Variants in CES5A observed in about 807,000 individuals in gnomAD.
CES5A encodes the protein carboxylesterase 5.
CES5A carries 67 observed loss-of-function variants against 62.9 expected under a neutral mutation model. That is an observed-to-expected ratio of 1.07 (90% CI 0.88 to 1.31). CES5A has a LOEUF of 1.31. CES5A is among the 50% of genes most tolerant of loss of function. CES5A has a pLI of 0.00. For missense variants in CES5A, 748 were observed against 708.5 expected, an observed-to-expected ratio of 1.06 and a Z score of -0.63; for synonymous variants, 296 against 280.8, an observed-to-expected ratio of 1.05 and a Z score of -0.54.
At chr16:55,928,156 T>C (rs1233789424), upstream of CES5A, among the ~76,000 whole-genome samples, 1 of 151,606 alleles carries the variant, frequency 6.6e-6, no homozygotes, top group African/African-American at 2.4e-5. Flanking sequence ...GGCAGGAGAA[T>C]GGCATGAACC....
At position 55,908,129 on chromosome 16, in the gene CES5A, A is replaced by G. The variant is rs111704680; in HGVS notation, c.-256+17194T>C. On this transcript the variant is annotated intron_variant, in intron 1 of 12. Transcript: ENST00000518005. ...CCCTGCCCTGTCTGATTCTTTATCA[A>G]TTTGCTCCCCTCTAGCCCCCATCCA... Among the ~76,000 whole-genome samples, 398 of 152,060 alleles carry G rather than the reference A, an allele frequency of 2.6e-3. 4 individuals carry two copies. The highest frequency in any genetic ancestry group is 9.2e-3 in the African/African-American group (381 of 41,462).
intron 1 of CES5A, among the ~76,000 whole-genome samples, chr16:55,923,446 C>T: frequency 6.6e-6 from 1 of 151,732 alleles, no homozygotes; most frequent in South Asian, 2.1e-4. Flanking sequence ...TGGACACATA[C>T]AACCTATCAA....
intron 2 of CES5A, among the ~76,000 whole-genome samples, chr16:55,945,822 G>T (rs6416769): frequency 0.22 from 34,071 of 152,000 alleles, 5,043 homozygotes; most frequent in Non-Finnish European, 0.33. Context: ...AGCATCCTAG[G>T]CCCAGATGAT....
chr16:55,901,817 T>G (rs2033993178), intron 1 of CES5A, among the ~76,000 whole-genome samples: 1 of 152,306 alleles, frequency 6.6e-6, no homozygotes, highest in East Asian at 1.9e-4. Context: ...CCCACTGGTG[T>G]TGTTCCTCTT....
chr16:55,855,655 G>T (rs750592705), intron 9 of CES5A, among the ~76,000 whole-genome samples: 1 of 152,194 alleles, frequency 6.6e-6, no homozygotes, highest in Non-Finnish European at 1.5e-5. Context: ...AGAAACATCT[G>T]AATAGTGGGA....
In CES5A at chr16:55,935,525, G is replaced by A. The variant is rs142810282; in HGVS notation, c.160+14260C>T. 1.6e-3 allele frequency among the ~76,000 whole-genome samples: 244 copies of A among 152,264 alleles called. 2 individuals carry two copies. Among genetic ancestry groups the A allele is most frequent in the African/African-American group, 5.5e-3 (227 of 41,546 alleles). ...CCCCATGGCCCAGTCAAGTTGACAC[G>A]TAAAATTAATCATCACATCCATCTT... On this transcript the variant is annotated intron_variant, in intron 2 of 13. Coordinates refer to the CES5A transcript ENST00000521992.
At chr16:55,909,483 G>C (rs922787104) in intron 1 of CES5A, among the ~76,000 whole-genome samples, 3 of 152,188 alleles carry the variant, frequency 2.0e-5, no homozygotes, top group Non-Finnish European at 2.9e-5. Context: ...AGAACACAGA[G>C]AGGTGGCAGA....
At chr16:55,934,938 G>A (rs1393133917) in intron 2 of CES5A, among the ~76,000 whole-genome samples, 5 of 152,060 alleles carry the variant, frequency 3.3e-5, no homozygotes, top group African/African-American at 1.2e-4. Flanking sequence ...GGGTTTTTTT[G>A]TTTTGTTTTG....
intron 1 of CES5A, among the ~76,000 whole-genome samples, chr16:55,882,279 G>A (rs572492325): frequency 1.6e-4 from 24 of 152,292 alleles, no homozygotes; most frequent in African/African-American, 5.8e-4. Flanking sequence ...CTAATGGAAA[G>A]TTCTGGATGC....
At chr16:55,886,253 A>C (rs763083483) in intron 1 of CES5A, among the ~76,000 whole-genome samples, 1 of 152,228 alleles carries the variant, frequency 6.6e-6, no homozygotes, top group South Asian at 2.1e-4. Flanking sequence ...AGCTGAGGTA[A>C]AGACATACAT....
chr16:55,880,632 T>A (rs1317013127), intron 1 of CES5A, among the ~76,000 whole-genome samples: 2 of 152,172 alleles, frequency 1.3e-5, no homozygotes, highest in Non-Finnish European at 2.9e-5. Flanking sequence ...TCAGACAGCA[T>A]CCTGTTACTA....
At chr16:55,868,907 A>G (rs559278304) in intron 4 of CES5A, among the ~76,000 whole-genome samples, 1 of 152,340 alleles carries the variant, frequency 6.6e-6, no homozygotes, top group East Asian at 1.9e-4. Flanking sequence ...CCTTCCTTGA[A>G]GGATTATTTT....
chr16:55,914,882 C>G (rs985496415), intron 1 of CES5A, among the ~76,000 whole-genome samples: 2 of 152,038 alleles, frequency 1.3e-5, no homozygotes, highest in African/African-American at 4.8e-5. Context: ...TAGTTTTGAC[C>G]CTTGTGCTGT....
At chr16:55,919,553 C>A (rs770423032) in intron 1 of CES5A, among the ~76,000 whole-genome samples, 2 of 152,316 alleles carry the variant, frequency 1.3e-5, no homozygotes, top group Non-Finnish European at 2.9e-5. Flanking sequence ...CTGGTGACCT[C>A]CCTTTGTCTC....
chr16:55,861,622 T>G lies in CES5A; in HGVS notation c.811-106A>C, dbSNP rs1462349394. ...CAGCCACAGGCTGGCCCTCCATATATGAGTCCATCCTGCTAACACTGCCTA... is the reference window on the plus strand; with the variant it reads ...CAGCCACAGGCTGGCCCTCCATATAGGAGTCCATCCTGCTAACACTGCCTA... On this transcript the variant is annotated intron_variant, in intron 6 of 12. Coordinates refer to ENST00000290567, the MANE Select transcript of CES5A (RefSeq NM_001143685.2). 3 of 769,554 alleles carry G rather than the reference T, an allele frequency of 3.9e-6. No homozygotes were observed. The East Asian group carries it at 7.9e-5, about 20-fold the overall frequency. The allele number at this position is 769,554 out of a possible 1,614,324, so 47.7% of individuals were successfully genotyped here. A position where few individuals can be genotyped will look rare whatever the true frequency, so the allele number is the denominator to read the frequency against.
chr16:55,851,357 A>G (rs1179414828), intron 10 of CES5A, among the ~76,000 whole-genome samples: 1 of 152,224 alleles, frequency 6.6e-6, no homozygotes, highest in Non-Finnish European at 1.5e-5. Flanking sequence ...CCAAAAACAT[A>G]TATACAAATG....
At chr16:55,886,189 G>T (rs2033813715) in intron 1 of CES5A, among the ~76,000 whole-genome samples, 1 of 152,198 alleles carries the variant, frequency 6.6e-6, no homozygotes, top group Admixed American at 6.5e-5. Flanking sequence ...CATCCTCCTG[G>T]TGTCCAATTT....
chr16:55,926,966 C>T (rs1333213379), upstream of CES5A, among the ~76,000 whole-genome samples: 1 of 152,110 alleles, frequency 6.6e-6, no homozygotes, highest in African/African-American at 2.4e-5. Context: ...TACAATTCTT[C>T]AAAGAAATGC....
intron 1 of CES5A, among the ~76,000 whole-genome samples, chr16:55,892,575 T>C (rs953729772): frequency 1.3e-5 from 2 of 152,202 alleles, no homozygotes; most frequent in Admixed American, 6.5e-5. Context: ...CCTAGCTTAA[T>C]ACAAAAAACT....
Sources: allele counts gnomAD v4.1 joint callset (sites outside exome capture counted in the v4.1 genomes callset), GRCh38; gene constraint gnomAD v4.1.1; transcripts MANE v1.5; gene names NCBI Gene and HGNC (gene_info 2026-07-23, HGNC 2026-07-21).